Variants in KCNK17 observed in about 807,000 individuals in gnomAD.
KCNK17 encodes the protein potassium two pore domain channel subfamily K member 17, also known as potassium channel subfamily K member 17.
In KCNK17, 27 loss-of-function variants were observed where a neutral mutation model predicts 24.6. That is an observed-to-expected ratio of 1.10 (90% confidence interval 0.81 to 1.51). The LOEUF is 1.51. Among genes scored for constraint, KCNK17 ranks in the 40% most tolerant of loss-of-function variants. KCNK17 has a pLI of 0.00. For synonymous variants in KCNK17, 181 were observed against 189.8 expected, an observed-to-expected ratio of 0.95 and a Z score of 0.38; for missense variants, 450 against 436.6, an observed-to-expected ratio of 1.03 and a Z score of -0.27.
rs12196391 is a variant in KCNK17, at chr6:39,310,523, C to A, written c.352+370G>T. Among the ~76,000 whole-genome samples the A allele has an allele frequency of 3.4e-3, 520 of 152,228 alleles. 2 individuals are homozygous for A. The highest frequency in any genetic ancestry group is 0.02 in the Middle Eastern group (6 of 294). ...CTTCTCCCGACCACCACTCCCGGGG[C>A]TCAGTGTTGGGTGGGCTCAGCTGAG... On this transcript the variant is annotated intron_variant, in intron 2 of 4. Transcript: ENST00000373231.
chr6:39,307,930 A>C (rs894543165), intron 2 of KCNK17, among the ~76,000 whole-genome samples: 1 of 152,142 alleles, frequency 6.6e-6, no homozygotes, highest in African/African-American at 2.4e-5. Context: ...GGGCCTTTGC[A>C]CTTGCTGGCA....
In KCNK17 at chr6:39,314,252, C is replaced by T. The variant is rs1449487047; in HGVS notation, c.69G>A (p.Val23=). 1.3e-6 allele frequency: 2 copies of T among 1,535,422 alleles called. No homozygotes were observed. Among genetic ancestry groups the T allele is most frequent in the Non-Finnish European group, 8.7e-7 (1 of 1,145,620 alleles). The change falls in exon 1 of 5, where the codon GTG becomes GTA. Residue 23 remains valine (V), a synonymous_variant. Coordinates refer to ENST00000373231, the MANE Select transcript of KCNK17 (RefSeq NM_031460.4). The stretch of plus-strand genomic sequence containing the variant: ...AAGCCAGGTAGGCGAGCAGCAGGAG[C>T]ACGGTGCTGGGCACCGCGCAGCCCC... The part of the protein sequence containing the change: ...RVRGCAVPST[V]LLLLAYLAYL...
At chr6:39,304,333 C>A in intron 3 of KCNK17, 162 bp downstream of exon 3, 1 of 782,734 alleles carries the variant, frequency 1.3e-6, no homozygotes. Context: ...CCATTAATGC[C>A]CTTTTTCACT....
intron 4 of KCNK17, among the ~76,000 whole-genome samples, chr6:39,301,014 T>A (rs2113833930): frequency 6.6e-6 from 1 of 152,270 alleles, no homozygotes; most frequent in South Asian, 2.1e-4. Flanking sequence ...GAGGATCACA[T>A]GGGCTGATGC....
rs1762072217 is a variant in KCNK17, at chr6:39,308,418, A to G, written c.352+2475T>C. ...CGATTCTCGTGCTTCTGCCTCCCAAATAGCTGGGATTACAGGCACCCGCCA... is the reference window on the plus strand; with the variant it reads ...CGATTCTCGTGCTTCTGCCTCCCAAGTAGCTGGGATTACAGGCACCCGCCA... On this transcript the variant is annotated intron_variant, in intron 2 of 4. Transcript: ENST00000373231. Among the ~76,000 whole-genome samples, 3 of 152,164 alleles carry G rather than the reference A, an allele frequency of 2.0e-5. No individual in the cohort carries two copies. The South Asian group carries it at 6.2e-4, about 32-fold the overall frequency.
intron 4 of KCNK17, 39 bp from the exon 5 acceptor site, chr6:39,299,776 A>G: frequency 6.3e-7 from 1 of 1,590,002 alleles, no homozygotes. Flanking sequence ...AGGCCTGGGA[A>G]AGTCAGGACC....
intron 1 of KCNK17, 149 bp downstream of exon 1, chr6:39,313,935 C>G: frequency 5.0e-6 from 3 of 602,308 alleles, no homozygotes; most frequent in Non-Finnish European, 8.2e-6. Flanking sequence ...ACGCCCACCC[C>G]CGTTGTGCCC....
At chr6:39,310,871 C>T (rs1205105630) in intron 2 of KCNK17, 22 bp downstream of exon 2, 2 of 1,445,284 alleles carry the variant, frequency 1.4e-6, no homozygotes, top group Non-Finnish European at 1.9e-6. Flanking sequence ...CCCCCATCCC[C>T]CTGGCCCCAT....
At chr6:39,304,822 A>T (rs1202811976) in intron 2 of KCNK17, among the ~76,000 whole-genome samples, 167 bp from the exon 3 acceptor site, 2 of 152,222 alleles carry the variant, frequency 1.3e-5, no homozygotes, top group Non-Finnish European at 2.9e-5. Context: ...GGCACTGTGC[A>T]GGGCACCCTG....
chr6:39,311,432 T>C (rs1762137719), intron 1 of KCNK17, among the ~76,000 whole-genome samples: 1 of 152,142 alleles, frequency 6.6e-6, no homozygotes, highest in African/African-American at 2.4e-5. Flanking sequence ...ATAAACCTAA[T>C]TAACTCTAAT....
chr6:39,310,854 T>TGCCCCCCC, intron 2 of KCNK17, 39 bp downstream of exon 2: 2 of 1,084,966 alleles, frequency 1.8e-6, no homozygotes. Context: ...GCTGCCTCCT[T>TGCCCCCCC]CCCCCACCCC....
At chr6:39,304,720 C>T in intron 2 of KCNK17, 65 bp from the exon 3 acceptor site, 1 of 1,555,080 alleles carries the variant, frequency 6.4e-7, no homozygotes, top group East Asian at 2.3e-5. Flanking sequence ...CCACCACAGC[C>T]CCACTCCTGG....
chr6:39,308,997 G>T (rs892421876), intron 2 of KCNK17, among the ~76,000 whole-genome samples: 3 of 152,206 alleles, frequency 2.0e-5, no homozygotes, highest in Non-Finnish European at 4.4e-5. Context: ...GGGGGAGATG[G>T]TGCAACATCT....
rs147029210 is a variant in KCNK17 at position 39,312,975 on chromosome 6, C to A, written c.237+1109G>T. The stretch of plus-strand genomic sequence containing the variant: ...ACACCACTTCCGCTCCGCGCTGGGT[C>A]CCTTCCCACCCTGGCACGGTTCCCT... On this transcript the variant is annotated intron_variant, in intron 1 of 4. Transcript: ENST00000373231. Among the ~76,000 whole-genome samples the A allele has an allele frequency of 1.6e-3, 241 of 152,344 alleles. 2 individuals carry two copies. Among genetic ancestry groups the A allele is most frequent in the Admixed American group, 0.012 (181 of 15,310 alleles).
Position 39,299,241 on chromosome 6 carries a change from C to G in KCNK17, c.*186G>C. On this transcript the variant is annotated 3_prime_UTR_variant, in exon 5 of 5. Coordinates refer to ENST00000373231, the MANE Select transcript of KCNK17 (RefSeq NM_031460.4). ...GGAGAAGGGCATGCTGCCCCGACAC[C>G]CGAAAGTCACATCCCATGTCACCCA... is the stretch of plus-strand genomic sequence containing the variant. 1 of 583,164 alleles carries G rather than the reference C, an allele frequency of 1.7e-6. No individual in the cohort carries two copies. Among genetic ancestry groups the G allele is most frequent in the South Asian group, 2.2e-5 (1 of 44,936 alleles). 36.1% of individuals were successfully genotyped at this position (583,164 alleles called of 1,614,324 possible).
Position 39,304,012 on chromosome 6 carries a change from G to GC in KCNK17, c.632dup (p.Phe212LeufsTer71). ...TGAGGGTGATGAAGGCGAAGTAGAA[G>GC]CCCTCTGTGTAGCTCCAGCCCTCCA... On this transcript the variant is annotated frameshift_variant, in exon 4 of 5. Coordinates refer to ENST00000373231, the MANE Select transcript of KCNK17 (RefSeq NM_031460.4). LOFTEE classifies it high-confidence loss of function. The GC allele has an allele frequency of 6.2e-7, 1 of 1,613,902 alleles. No homozygotes were observed. Among genetic ancestry groups the GC allele is most frequent in the Non-Finnish European group, 8.5e-7 (1 of 1,180,012 alleles).
chr6:39,311,283 G>T, intron 1 of KCNK17, among the ~76,000 whole-genome samples: 1 of 152,080 alleles, frequency 6.6e-6, no homozygotes, highest in South Asian at 2.1e-4. Flanking sequence ...GGTCAGGTTG[G>T]AGTCCTAGTA....
chr6:39,300,499 C>G, intron 4 of KCNK17: 1 of 1,551,350 alleles, frequency 6.4e-7, no homozygotes, highest in Non-Finnish European at 8.7e-7. Context: ...GTTTGGTTTT[C>G]TCGTATCTGA....
In KCNK17 at chr6:39,310,965, TGCTG is replaced by T; in HGVS notation, c.276_279del (p.Ser93ThrfsTer29). ...TCCCAGCGCCCCATGCTGGTGGTGT[TGCTG>T]AGGAGGCTGGCTCCGTTTTTGTATG... On this transcript the variant is annotated frameshift_variant, in exon 2 of 5. Transcript: ENST00000373231. LOFTEE classifies it high-confidence loss of function. 1 of 1,609,764 alleles carries T rather than the reference TGCTG, an allele frequency of 6.2e-7. No individual in the cohort carries two copies. Among genetic ancestry groups the T allele is most frequent in the Non-Finnish European group, 8.5e-7 (1 of 1,176,788 alleles).
Sources: gnomAD v4.1 joint callset for allele counts (sites outside exome capture counted in the v4.1 genomes callset) on GRCh38, gnomAD v4.1.1 for gene constraint, MANE v1.5 for transcripts, NCBI Gene and HGNC (gene_info 2026-07-23, HGNC 2026-07-21) for gene names.